The following CDH13 variants were observed in gnomAD, a reference collection of about 807,000 sequenced individuals.
CDH13 encodes cadherin-13.
Under a neutral mutation model 63.8 loss-of-function variants are expected in CDH13, and 24 were observed. The ratio of observed to expected loss-of-function variants is 0.38; its 90% confidence interval spans 0.27 to 0.53. The LOEUF (loss-of-function observed/expected upper bound fraction) is 0.53. Ranked by LOEUF, CDH13 falls within the 20% of genes least tolerant of loss-of-function variation. The pLI is 0.85. For synonymous variants in CDH13, 503 were observed against 355.3 expected (o/e 1.42, Z -4.67); for missense variants, 1,049 against 903.1 (o/e 1.16, Z -2.07).
At chr16:83,699,490 T>C (rs547787333) in intron 10 of CDH13, among the ~76,000 whole-genome samples, 50 of 152,292 alleles carry the variant, frequency 3.3e-4, no homozygotes, top group African/African-American at 1.2e-3. Flanking sequence ...AGCCTTGACT[T>C]TCCAGAGGTC....
At chr16:83,742,660 C>T (rs1338153022) in intron 10 of CDH13, among the ~76,000 whole-genome samples, 1 of 152,216 alleles carries the variant, frequency 6.6e-6, no homozygotes, top group Non-Finnish European at 1.5e-5. Context: ...CGCACGGAAG[C>T]CAGGAAGCGG....
chr16:83,742,994 G>C (rs1597160210), intron 10 of CDH13, among the ~76,000 whole-genome samples: 2 of 152,138 alleles, frequency 1.3e-5, no homozygotes, highest in African/African-American at 4.8e-5. Flanking sequence ...GATCGCTTGA[G>C]GTCAGGAGTT....
intron 4 of CDH13, among the ~76,000 whole-genome samples, chr16:83,179,652 A>C (rs1455076047): frequency 2.9e-5 from 1 of 33,912 alleles, no homozygotes; most frequent in Non-Finnish European, 6.2e-5. Context: ...ACTCTCTCTC[A>C]GAAAAAAAAA....
chr16:83,000,220 CTTATTTT>C (rs1912722379), intron 2 of CDH13, among the ~76,000 whole-genome samples: 1 of 33,948 alleles, frequency 2.9e-5, no homozygotes, highest in African/African-American at 1.0e-4. Context: ...ACAGGTTTAG[CTTATTTT>C]TTTTTTTTTT....
chr16:82,837,055 A>T (rs2038797676), intron 1 of CDH13, among the ~76,000 whole-genome samples: 1 of 152,230 alleles, frequency 6.6e-6, no homozygotes, highest in South Asian at 2.1e-4. Context: ...TAAAGTCTTA[A>T]AATGGGCAAC....
intron 5 of CDH13, among the ~76,000 whole-genome samples, chr16:83,255,009 T>A (rs1005548283): frequency 2.1e-5 from 3 of 144,514 alleles, no homozygotes; most frequent in Admixed American, 7.2e-5. Context: ...CTTTCTTTCT[T>A]TCTTTTTTGC....
At chr16:82,849,658 T>G (rs2039400412) in intron 1 of CDH13, among the ~76,000 whole-genome samples, 1 of 152,214 alleles carries the variant, frequency 6.6e-6, no homozygotes, top group African/African-American at 2.4e-5. Flanking sequence ...TTATACTGGA[T>G]GAAGATCCCA....
At chr16:83,657,915 GCAAGGTCCCATGTCCCCACCAC>G (rs1481134887) in intron 8 of CDH13, among the ~76,000 whole-genome samples, 3 of 149,640 alleles carry the variant, frequency 2.0e-5, no homozygotes, top group African/African-American at 2.5e-5. Flanking sequence ...ATCCTCACCA[GCAAGGTCCCATGTCCCCACCAC>G]CAGGTCCCAT....
chr16:83,053,249 G>C, intron 3 of CDH13, among the ~76,000 whole-genome samples: 1 of 152,086 alleles, frequency 6.6e-6, no homozygotes, highest in South Asian at 2.1e-4. Flanking sequence ...TCTGGCTTTA[G>C]CTGTAACTTA....
At chr16:83,384,364 T>C (rs531523266) in intron 6 of CDH13, among the ~76,000 whole-genome samples, 2 of 152,238 alleles carry the variant, frequency 1.3e-5, no homozygotes, top group African/African-American at 2.4e-5. Context: ...TGGTCCTTCC[T>C]TTCTTCCCTC....
At chr16:83,719,063 C>T (rs1022268176) in intron 10 of CDH13, among the ~76,000 whole-genome samples, 4 of 152,136 alleles carry the variant, frequency 2.6e-5, no homozygotes, top group East Asian at 1.9e-4. Flanking sequence ...TTCCAGGGCA[C>T]CCTCAATGCC....
intron 5 of CDH13, among the ~76,000 whole-genome samples, chr16:83,305,811 A>G (rs936366724): frequency 1.3e-5 from 2 of 152,202 alleles, no homozygotes; most frequent in African/African-American, 4.8e-5. Flanking sequence ...ACCTAGTAGG[A>G]GGCCAAACGC....
At position 82,898,393 on chromosome 16, in the gene CDH13, C is replaced by T. The variant is rs180764688; in HGVS notation, c.157+39920C>T. 5.9e-5 allele frequency among the ~76,000 whole-genome samples: 9 copies of T among 152,288 alleles called. No individual in the cohort carries two copies. In the East Asian group the frequency reaches 1.5e-3, roughly 26 times the overall value. ...TACAAAAGTTAGCCGGGCATGCTGGCATGTGCCTGTAATTCCGGCTACTCA... is the reference window on the plus strand; with the variant it reads ...TACAAAAGTTAGCCGGGCATGCTGGTATGTGCCTGTAATTCCGGCTACTCA... On this transcript the variant is annotated intron_variant, in intron 2 of 13. Coordinates refer to ENST00000567109, the MANE Select transcript of CDH13 (RefSeq NM_001257.5).
At chr16:83,090,392 G>A (rs1009456980) in intron 3 of CDH13, among the ~76,000 whole-genome samples, 1 of 151,948 alleles carries the variant, frequency 6.6e-6, no homozygotes, top group African/African-American at 2.4e-5. Context: ...CGACCAATAT[G>A]GTGAGACCCT....
chr16:83,287,698 A>G (rs1296601155), intron 5 of CDH13, among the ~76,000 whole-genome samples: 1 of 151,196 alleles, frequency 6.6e-6, no homozygotes, highest in Non-Finnish European at 1.5e-5. Flanking sequence ...ATTATAATGT[A>G]ATAATAATAG....
intron 8 of CDH13, among the ~76,000 whole-genome samples, chr16:83,620,115 G>C (rs555108423): frequency 6.6e-6 from 1 of 152,196 alleles, no homozygotes; most frequent in East Asian, 1.9e-4. Flanking sequence ...GAGGGGGGCC[G>C]GGCTCAGTGG....
At position 83,623,833 on chromosome 16, in the gene CDH13, G is replaced by C. The variant is rs75630967; in HGVS notation, c.1101+21239G>C. ...AATACCTCTTTTCCTTCAGCTCTGG[G>C]AAATTGAAAAGACAAATCAGTTAGC... is the stretch of plus-strand genomic sequence containing the variant. On this transcript the variant is annotated intron_variant, in intron 8 of 13. Coordinates refer to ENST00000567109, the MANE Select transcript of CDH13 (RefSeq NM_001257.5). 5.1e-3 allele frequency among the ~76,000 whole-genome samples: 776 copies of C among 152,304 alleles called. 12 individuals carry two copies. The highest frequency in any genetic ancestry group is 0.018 in the African/African-American group (741 of 41,554).
At chr16:83,346,133 C>T (rs2090834699) in intron 6 of CDH13, among the ~76,000 whole-genome samples, 1 of 152,200 alleles carries the variant, frequency 6.6e-6, no homozygotes, top group African/African-American at 2.4e-5. Flanking sequence ...TTTAAATGCG[C>T]TCCGTAAAAA....
At chr16:83,065,729 CAAAAA>C (rs57813644) in intron 3 of CDH13, among the ~76,000 whole-genome samples, 1 of 144,948 alleles carries the variant, frequency 6.9e-6, no homozygotes, top group Non-Finnish European at 1.5e-5. Context: ...AACAAAAAAA[CAAAAA>C]AAAAAAAACA....
Sources: allele counts gnomAD v4.1 joint callset (sites outside exome capture counted in the v4.1 genomes callset), GRCh38; gene constraint gnomAD v4.1.1; transcripts MANE v1.5; gene names NCBI Gene and HGNC (gene_info 2026-07-23, HGNC 2026-07-21).